TNFRSF10A: variants seen among roughly 807,000 people sequenced by gnomAD.
TNFRSF10A encodes tumor necrosis factor receptor superfamily member 10A.
Under a neutral mutation model 42.8 loss-of-function variants are expected in TNFRSF10A, and 44 were observed. That is an observed-to-expected ratio of 1.03 (90% CI 0.81 to 1.32). The LOEUF (loss-of-function observed/expected upper bound fraction) is 1.32. Ranked by LOEUF, TNFRSF10A falls within the 40% of genes most tolerant of loss-of-function variation. TNFRSF10A has a pLI of 0.00. For missense variants in TNFRSF10A, 680 were observed against 602.0 expected (o/e 1.13, Z -1.36); for synonymous variants, 259 against 234.2 (o/e 1.11, Z -0.97).
chr8:23,193,069 G>T (rs1800777268), intron 9 of TNFRSF10A, among the ~76,000 whole-genome samples: 1 of 152,220 alleles, frequency 6.6e-6, no homozygotes, highest in South Asian at 2.1e-4. Flanking sequence ...TGGTCAGGGA[G>T]ATACAGTTGA....
chr8:23,213,999 C>A (rs921875155), intron 1 of TNFRSF10A, among the ~76,000 whole-genome samples: 7 of 151,734 alleles, frequency 4.6e-5, no homozygotes, highest in African/African-American at 1.7e-4. Context: ...GTGGTGAGTT[C>A]TGAGATTTTA....
In TNFRSF10A at chr8:23,199,882, T is replaced by G; in HGVS notation, c.831+4A>C. 6.2e-7 allele frequency: 1 copy of G among 1,614,036 alleles called. No individual in the cohort carries two copies. The highest frequency in any genetic ancestry group is 8.5e-7 in the Non-Finnish European group (1 of 1,179,978). On this transcript the variant is annotated splice_donor_region_variant and intron_variant, in intron 7 of 9. Coordinates refer to ENST00000221132, the MANE Select transcript of TNFRSF10A (RefSeq NM_003844.4). ...GCCCCCAGCTCCTGGAGAAATCAAC[T>G]CACCCTGTCCATGCACTTGGGGTCC...
chr8:23,222,898 C>T (rs902393774), intron 1 of TNFRSF10A, among the ~76,000 whole-genome samples: 1 of 152,082 alleles, frequency 6.6e-6, no homozygotes, highest in Non-Finnish European at 1.5e-5. Context: ...ATCCTCCCCA[C>T]CCCTTCCCCT....
At chr8:23,193,299 C>T (rs1004190241) in intron 9 of TNFRSF10A, among the ~76,000 whole-genome samples, 1 of 152,168 alleles carries the variant, frequency 6.6e-6, no homozygotes, top group Non-Finnish European at 1.5e-5. Context: ...AGTTGCCCCG[C>T]TAACTTTGGC....
At position 23,197,129 on chromosome 8, in the gene TNFRSF10A, T is replaced by TA; in HGVS notation, c.1087+2dup. On this transcript the variant is annotated splice_region_variant and intron_variant, in intron 9 of 9. Transcript: ENST00000221132. ...GCTGCATCTCCAGGAGCAAAACACT[T>TA]ACTCTCAGTGGGGTCAGCACCATTT... 6.2e-7 allele frequency: 1 copy of TA among 1,614,128 alleles called. No individual in the cohort carries two copies. The highest frequency in any genetic ancestry group is 2.2e-5 in the East Asian group (1 of 44,876).
intron 9 of TNFRSF10A, among the ~76,000 whole-genome samples, chr8:23,192,943 C>A (rs1169572379): frequency 6.6e-6 from 1 of 152,292 alleles, no homozygotes; most frequent in East Asian, 1.9e-4. Context: ...ACATCCAGAC[C>A]ATGATGGGAT....
rs748620303 is a variant in TNFRSF10A at position 23,224,991 on chromosome 8, G to A, written c.71C>T (p.Ala24Val). 1 of 1,591,946 alleles carries A rather than the reference G, an allele frequency of 6.3e-7. No homozygotes were observed. Among genetic ancestry groups the A allele is most frequent in the Non-Finnish European group, 8.6e-7 (1 of 1,168,216 alleles). The change falls in exon 1 of 10, where the codon GCG becomes GTG. Residue 24 changes from alanine to valine, a missense_variant. Physicochemically the swap from Ala to Val is moderately conservative, Grantham distance 64. Transcript: ENST00000221132. ...GGCCGCGGCTGCCTCTGTCCCACTC[G>A]CTGCGCTCCCGGGATTCGGAGTCAC... Reference protein sequence around the residue: ...LAVTPNPGSAASGTEAAAATP... With the variant: ...LAVTPNPGSAVSGTEAAAATP...
At chr8:23,197,296 G>A (rs1436147124) in intron 8 of TNFRSF10A, 92 bp from the exon 9 acceptor site, 2 of 1,457,378 alleles carry the variant, frequency 1.4e-6, no homozygotes, top group Non-Finnish European at 1.9e-6. Flanking sequence ...GAAACCTGCA[G>A]CACATCACTT....
At chr8:23,198,404 C>A (rs1310370499) in intron 8 of TNFRSF10A, among the ~76,000 whole-genome samples, 1 of 152,082 alleles carries the variant, frequency 6.6e-6, no homozygotes, top group African/African-American at 2.4e-5. Context: ...ACAGATTTCA[C>A]TGGTTAAAAA....
chr8:23,199,397 C>A lies in TNFRSF10A; in HGVS notation c.883G>T (p.Ala295Ser). ...GCGTTGCTCAGAATCTCGTTGTGAG[C>A]ATTGTCCTCAGCCCCAGGCCCTCGT... ...LLRGPGAEDN[A>S]HNEILSNADS... Residue 295 changes from alanine to serine, a missense_variant, in exon 8 of 10, where the codon GCT becomes TCT. Ala to Ser is a moderately conservative substitution (Grantham distance 99). Transcript: ENST00000221132. The A allele has an allele frequency of 6.2e-7, 1 of 1,614,138 alleles. No individual in the cohort carries two copies.
At chr8:23,213,050 T>G (rs1473761856) in intron 1 of TNFRSF10A, among the ~76,000 whole-genome samples, 1 of 152,214 alleles carries the variant, frequency 6.6e-6, no homozygotes, top group African/African-American at 2.4e-5. Context: ...CTGGGAAGTT[T>G]TGGATTATGG....
At chr8:23,203,293 G>A (rs1470060566) in intron 2 of TNFRSF10A, among the ~76,000 whole-genome samples, 1 of 152,150 alleles carries the variant, frequency 6.6e-6, no homozygotes, top group Non-Finnish European at 1.5e-5. Flanking sequence ...TGAGCTCTTG[G>A]TCAGTAGAAG....
intron 1 of TNFRSF10A, among the ~76,000 whole-genome samples, chr8:23,215,111 C>T (rs143781116): frequency 3.0e-3 from 450 of 152,154 alleles, no homozygotes; most frequent in Middle Eastern, 0.017. Flanking sequence ...GGGTGATGTG[C>T]GTTCTGTGGG....
chr8:23,212,765 T>C (rs1357942286), intron 1 of TNFRSF10A, among the ~76,000 whole-genome samples: 3 of 152,238 alleles, frequency 2.0e-5, no homozygotes, highest in African/African-American at 4.8e-5. Context: ...ATAATTCTTA[T>C]AGATCTTACA....
At chr8:23,204,488 CA>C (rs1350634283) in intron 2 of TNFRSF10A, among the ~76,000 whole-genome samples, 1 of 151,802 alleles carries the variant, frequency 6.6e-6, no homozygotes, top group South Asian at 2.1e-4. Flanking sequence ...GAATTCATAC[CA>C]AAAAAATCTA....
At chr8:23,214,170 T>A (rs965663418) in intron 1 of TNFRSF10A, among the ~76,000 whole-genome samples, 9 of 152,124 alleles carry the variant, frequency 5.9e-5, no homozygotes, top group Non-Finnish European at 8.8e-5. Context: ...TTCATTTATT[T>A]TTTTACCCAT....
At chr8:23,221,347 G>A (rs958408496) in intron 1 of TNFRSF10A, among the ~76,000 whole-genome samples, 3 of 152,344 alleles carry the variant, frequency 2.0e-5, no homozygotes, top group Non-Finnish European at 4.4e-5. Flanking sequence ...AGAGGAGCAC[G>A]GCCAACCCTG....
Position 23,202,678 on chromosome 8 carries a change from C to G in TNFRSF10A, c.487G>C (p.Ala163Pro). 6.2e-7 allele frequency: 1 copy of G among 1,614,000 alleles called. No individual in the cohort carries two copies. Among genetic ancestry groups the G allele is most frequent in the South Asian group, 1.1e-5 (1 of 91,054 alleles). The change falls in exon 3 of 10, where the codon GCT becomes CCT. Residue 163 changes from alanine to proline, a missense_variant. Physicochemically the swap from Ala to Pro is conservative, Grantham distance 27. Coordinates refer to ENST00000221132, the MANE Select transcript of TNFRSF10A (RefSeq NM_003844.4). ...GYTNASNNLF[A>P]CLPCTACKSD... ...TTACAAGCTGTACATGGGAGGCAAG[C>G]AAACAAATTGTTGGAAGCATTGGTG...
chr8:23,200,362 G>A, intron 6 of TNFRSF10A, 143 bp downstream of exon 6: 1 of 902,670 alleles, frequency 1.1e-6, no homozygotes, highest in South Asian at 1.5e-5. Context: ...CAGGATGGGA[G>A]GATGGGGGGT....
Sources: gnomAD v4.1 joint callset for allele counts (sites outside exome capture counted in the v4.1 genomes callset) on GRCh38, gnomAD v4.1.1 for gene constraint, MANE v1.5 for transcripts, NCBI Gene and HGNC (gene_info 2026-07-23, HGNC 2026-07-21) for gene names.